NTN1: variants seen among roughly 807,000 people sequenced by gnomAD.
The protein encoded by NTN1 is netrin 1, also known as netrin-1.
In NTN1, 11 loss-of-function variants were observed where a neutral mutation model predicts 54.2. The ratio of observed to expected loss-of-function variants is 0.20; its 90% confidence interval spans 0.13 to 0.34. The LOEUF (loss-of-function observed/expected upper bound fraction) is 0.34, where lower values mean the gene tolerates loss of function less well. NTN1 is among the 10% of genes least tolerant of loss of function. The probability of loss-of-function intolerance (pLI) is 1.00; values close to 1 mark genes in which losing one functional copy is unlikely to be tolerated. For missense variants in NTN1, 740 were observed against 893.1 expected (o/e 0.83, Z 2.18); for synonymous variants, 371 against 382.0 (o/e 0.97, Z 0.33).
intron 5 of NTN1, among the ~76,000 whole-genome samples, chr17:9,220,277 G>C (rs1905301677): frequency 6.6e-6 from 1 of 152,248 alleles, no homozygotes. Context: ...TGGGAGAATT[G>C]AATGAGATCC....
chr17:9,169,031 A>C (rs1010632681), intron 3 of NTN1, among the ~76,000 whole-genome samples: 2 of 152,202 alleles, frequency 1.3e-5, no homozygotes, highest in African/African-American at 4.8e-5. Flanking sequence ...TTCCCAGTGG[A>C]AGAGTTTCAC....
chr17:9,197,386 T>C (rs1904665252), intron 5 of NTN1, among the ~76,000 whole-genome samples: 1 of 151,998 alleles, frequency 6.6e-6, no homozygotes, highest in Admixed American at 6.5e-5. Flanking sequence ...GGGCCAGGCG[T>C]GGTGGCTCAC....
chr17:9,153,785 G>C (rs935019154), intron 2 of NTN1, among the ~76,000 whole-genome samples: 1 of 152,112 alleles, frequency 6.6e-6, no homozygotes, highest in African/African-American at 2.4e-5. Context: ...GTGGCATCTC[G>C]AAGTGCCACA....
chr17:9,155,800 T>G (rs1054220085), intron 2 of NTN1, among the ~76,000 whole-genome samples: 1 of 152,152 alleles, frequency 6.6e-6, no homozygotes, highest in Non-Finnish European at 1.5e-5. Flanking sequence ...GCAGGCTCTG[T>G]TTGGGGGAAC....
At chr17:9,208,257 AGCC>A (rs1213966270) in intron 5 of NTN1, among the ~76,000 whole-genome samples, 2 of 152,148 alleles carry the variant, frequency 1.3e-5, no homozygotes, top group Admixed American at 6.5e-5. Flanking sequence ...ATAAAGCCTA[AGCC>A]CTTTACCCAG....
chr17:9,103,557 T>C (rs1036884964), intron 2 of NTN1, among the ~76,000 whole-genome samples: 1 of 152,114 alleles, frequency 6.6e-6, no homozygotes, highest in African/African-American at 2.4e-5. Context: ...CCTTCTGCCA[T>C]GATTGTAAGT....
chr17:9,007,394 CT>C, the NTN1 span, among the ~76,000 whole-genome samples: 1 of 146,328 alleles, frequency 6.8e-6, no homozygotes, highest in Admixed American at 6.9e-5. Context: ...GTCTTTCTCT[CT>C]TTCTCTCTTC....
chr17:9,239,809 C>G lies in NTN1; in HGVS notation c.1656C>G (p.Leu552=). The G allele has an allele frequency of 6.2e-7, 1 of 1,613,760 alleles. No individual in the cohort carries two copies. The highest frequency in any genetic ancestry group is 2.2e-5 in the East Asian group (1 of 44,874). The change falls in exon 7 of 7, where the codon CTC becomes CTG. Residue 552 remains leucine, a synonymous_variant. Transcript: ENST00000173229. This position sits in a 1 kb window ranked among gnomAD's most constrained non-coding sequence, Gnocchi z 5.2. ...GCAAGTGTCCCAAAATCAAGCCCCT[C>G]AAGAAGTACCTGCTGCTGGGCAACG... ...IACKCPKIKP[L]KKYLLLGNAE... is the part of the protein sequence containing the mutation.
At chr17:9,067,586 C>T (rs770198852) in intron 2 of NTN1, among the ~76,000 whole-genome samples, 14 of 152,238 alleles carry the variant, frequency 9.2e-5, no homozygotes, top group Non-Finnish European at 1.8e-4. Context: ...ATTCTCCACT[C>T]CTGTCTCTTA....
intron 3 of NTN1, 90 bp from the exon 4 acceptor site, chr17:9,179,717 C>T: frequency 1.3e-6 from 2 of 1,485,192 alleles, no homozygotes; most frequent in East Asian, 2.3e-5. Flanking sequence ...GGGCAGGGTC[C>T]ATGGAGGCAG....
chr17:9,205,354 G>A (rs985341965), intron 5 of NTN1, among the ~76,000 whole-genome samples: 4 of 152,254 alleles, frequency 2.6e-5, no homozygotes, highest in Admixed American at 2.0e-4. Flanking sequence ...GCAGCCAGGT[G>A]CAGTGGCTCA....
chr17:9,114,154 A>ATATAT (rs1491588506), intron 2 of NTN1, among the ~76,000 whole-genome samples: 56 of 39,180 alleles, frequency 1.4e-3, no homozygotes, highest in African/African-American at 4.9e-3. Context: ...AAAAAAAAAG[A>ATATAT]AAAAAAAAAA....
In NTN1 at chr17:9,224,811, G is replaced by GGGC. The variant is rs71361878; in HGVS notation, c.1486+3569_1486+3570insGGC. The stretch of plus-strand genomic sequence containing the variant: ...CAGCAGGTGGGGATGGGGTGGGGGG[G>GGGC]CACAGTGGGATCCCCCCTGGGAGCT... On this transcript the variant is annotated intron_variant, in intron 6 of 6. Transcript: ENST00000173229. Among the ~76,000 whole-genome samples, 281 of 151,478 alleles carry GGGC rather than the reference G, an allele frequency of 1.9e-3. 2 individuals are homozygous for GGGC. Among genetic ancestry groups the GGGC allele is most frequent in the Non-Finnish European group, 3.5e-3 (237 of 67,732 alleles).
the NTN1 span, among the ~76,000 whole-genome samples, chr17:9,003,316 GGCC>G: frequency 6.6e-6 from 1 of 151,752 alleles, no homozygotes; most frequent in Non-Finnish European, 1.5e-5. The surrounding 1 kb of genome is among the most constrained non-coding windows in gnomAD (Gnocchi z 7.4). Flanking sequence ...TGGCGGGGGT[GGCC>G]GCGGGCCGGG....
chr17:9,013,964 C>T, the NTN1 span, among the ~76,000 whole-genome samples: 1 of 152,154 alleles, frequency 6.6e-6, no homozygotes, highest in African/African-American at 2.4e-5. Context: ...CTGGTTCCCC[C>T]ATCCACAGGC....
intron 2 of NTN1, among the ~76,000 whole-genome samples, chr17:9,148,025 C>T (rs1456970787): frequency 6.6e-6 from 1 of 152,130 alleles, no homozygotes; most frequent in Non-Finnish European, 1.5e-5. Flanking sequence ...TGATTGGTTC[C>T]ACATGGGGAT....
At chr17:9,100,484 G>C (rs944445214) in intron 2 of NTN1, among the ~76,000 whole-genome samples, 1 of 151,356 alleles carries the variant, frequency 6.6e-6, no homozygotes, top group Non-Finnish European at 1.5e-5. Context: ...TTTTTTTTTA[G>C]TCGAGACGGG....
intron 2 of NTN1, among the ~76,000 whole-genome samples, chr17:9,143,081 G>C (rs2092302916): frequency 6.6e-6 from 1 of 152,178 alleles, no homozygotes. Flanking sequence ...GAGGGATGAA[G>C]GGCAGCCGTC....
chr17:9,066,713 G>A (rs772792816), intron 2 of NTN1, among the ~76,000 whole-genome samples: 55 of 151,828 alleles, frequency 3.6e-4, no homozygotes, highest in Non-Finnish European at 5.5e-4. Flanking sequence ...CAAATGGCAC[G>A]TTGTGGCCAG....
Sources: gnomAD v4.1 joint callset for allele counts (sites outside exome capture counted in the v4.1 genomes callset) on GRCh38, gnomAD v4.1.1 for gene constraint, Gnocchi (gnomAD v3.1) non-coding constraint, MANE v1.5 for transcripts, NCBI Gene and HGNC (gene_info 2026-07-23, HGNC 2026-07-21) for gene names.